The following CFAP77 variants were observed in gnomAD, a reference collection of about 807,000 sequenced individuals.
The protein encoded by CFAP77 is cilia and flagella associated protein 77, also known as cilia- and flagella-associated protein 77.
Under a neutral mutation model 31.1 loss-of-function variants are expected in CFAP77, and 25 were observed. That is an observed-to-expected ratio of 0.80 (90% CI 0.59 to 1.12). CFAP77 has a LOEUF of 1.12. CFAP77 is among the 50% of genes most tolerant of loss of function. CFAP77 has a pLI of 0.00. For missense variants in CFAP77, 377 were observed against 397.3 expected, an observed-to-expected ratio of 0.95 and a Z score of 0.44; for synonymous variants, 151 against 159.9, an observed-to-expected ratio of 0.94 and a Z score of 0.42.
chr9:132,502,276 T>TG (rs1564230467), intron 3 of CFAP77, among the ~76,000 whole-genome samples: 3 of 65,242 alleles, frequency 4.6e-5, no homozygotes, highest in African/African-American at 3.0e-4. Flanking sequence ...TTTTTTTTTT[T>TG]TGGGGGAGGG....
At chr9:132,449,139 C>T (rs1414048341) in intron 1 of CFAP77, among the ~76,000 whole-genome samples, 1 of 152,128 alleles carries the variant, frequency 6.6e-6, no homozygotes, top group African/African-American at 2.4e-5. Context: ...GATATTTATG[C>T]CATAAAGTTG....
At chr9:132,462,094 G>A (rs1289979989) in intron 1 of CFAP77, among the ~76,000 whole-genome samples, 1 of 152,136 alleles carries the variant, frequency 6.6e-6, no homozygotes, top group Non-Finnish European at 1.5e-5. Flanking sequence ...ATTAGTAACT[G>A]TAACACAGCT....
chr9:132,488,894 A>G (rs1174794105), intron 1 of CFAP77, among the ~76,000 whole-genome samples: 1 of 152,204 alleles, frequency 6.6e-6, no homozygotes, highest in East Asian at 1.9e-4. Context: ...GAGATGGGAA[A>G]TAAGGCAGAG....
intron 1 of CFAP77, among the ~76,000 whole-genome samples, chr9:132,467,994 T>C (rs551977518): frequency 1.3e-5 from 2 of 152,194 alleles, no homozygotes; most frequent in South Asian, 4.1e-4. Context: ...GATGTGGATC[T>C]GATGAGCTCA....
chr9:132,487,404 A>G (rs1226776828), intron 1 of CFAP77, among the ~76,000 whole-genome samples: 3 of 152,176 alleles, frequency 2.0e-5, no homozygotes, highest in Non-Finnish European at 4.4e-5. Context: ...CAGAGTTGCA[A>G]TGACACAGAA....
chr9:132,511,618 A>G lies in CFAP77; in HGVS notation c.524+12018A>G, dbSNP rs75827128. Among the ~76,000 whole-genome samples, 12,984 of 152,338 alleles carry G rather than the reference A, an allele frequency of 0.085. 770 individuals are homozygous for G. Among genetic ancestry groups the G allele is most frequent in the Admixed American group, 0.14 (2,108 of 15,306 alleles). Reference sequence around the variant, plus strand: ...TGGGAACAGGCACTATTCTAGTGCCAAGAGCACATGAGACGGCCAACTCTT... The same window carrying G: ...TGGGAACAGGCACTATTCTAGTGCCGAGAGCACATGAGACGGCCAACTCTT... On this transcript the variant is annotated intron_variant, in intron 3 of 5. Transcript: ENST00000393216. This position sits in a 1 kb window ranked among gnomAD's most constrained non-coding sequence, Gnocchi z 5.8.
intron 1 of CFAP77, among the ~76,000 whole-genome samples, chr9:132,461,528 G>C (rs1206558298): frequency 6.6e-6 from 1 of 152,204 alleles, no homozygotes; most frequent in Non-Finnish European, 1.5e-5. Context: ...CAGCAGAACA[G>C]CTTGATTCCT....
chr9:132,442,358 C>A (rs1340247961), intron 1 of CFAP77, among the ~76,000 whole-genome samples: 1 of 152,144 alleles, frequency 6.6e-6, no homozygotes, highest in Non-Finnish European at 1.5e-5. Context: ...TGAGACCAGC[C>A]TGAGTGACAT....
At chr9:132,442,499 G>T (rs1322773713) in intron 1 of CFAP77, among the ~76,000 whole-genome samples, 2 of 152,122 alleles carry the variant, frequency 1.3e-5, no homozygotes, top group Non-Finnish European at 2.9e-5. Flanking sequence ...GGTGCAGTGA[G>T]CTGAGATCGA....
Position 132,497,954 on chromosome 9 carries a change from T to C in CFAP77, c.196-741T>C, listed in dbSNP as rs1255140951. The stretch of plus-strand genomic sequence containing the variant: ...AGAGGACAGGCACGCCTCCATGCGA[T>C]GCCCTGCCCAGCGCTTGGGGGCCGG... On this transcript the variant is annotated intron_variant, in intron 1 of 5. Coordinates refer to ENST00000393216, the MANE Select transcript of CFAP77 (RefSeq NM_001282957.2). This position sits in a 1 kb window ranked among gnomAD's most constrained non-coding sequence, Gnocchi z 4.9. 1.3e-5 allele frequency among the ~76,000 whole-genome samples: 2 copies of C among 152,270 alleles called. No homozygotes were observed. Among genetic ancestry groups the C allele is most frequent in the East Asian group, 3.9e-4 (2 of 5,176 alleles).
rs1852166394 is a variant in CFAP77 at position 132,517,372 on chromosome 9, A to G, written c.524+17772A>G. ...CTGGAAGAAGCATCAAGAGCCAAAT[A>G]AGGACCCGTCTTGAGTGGAATCACG... On this transcript the variant is annotated intron_variant, in intron 3 of 5. Transcript: ENST00000393216. The surrounding 1 kb of genome is among the most constrained non-coding windows in gnomAD (Gnocchi z 4.7). Among the ~76,000 whole-genome samples the G allele has an allele frequency of 1.3e-5, 2 of 152,202 alleles. No homozygotes were observed. Among genetic ancestry groups the G allele is most frequent in the South Asian group, 4.1e-4 (2 of 4,826 alleles).
chr9:132,468,528 C>A (rs1230684869), intron 1 of CFAP77, among the ~76,000 whole-genome samples: 1 of 152,160 alleles, frequency 6.6e-6, no homozygotes, highest in Non-Finnish European at 1.5e-5. Flanking sequence ...TCCTTACTCT[C>A]CATTTAGTTC....
chr9:132,414,663 A>T (rs1435019474), intron 1 of CFAP77, among the ~76,000 whole-genome samples: 4 of 152,158 alleles, frequency 2.6e-5, no homozygotes, highest in African/African-American at 9.7e-5. Context: ...GGTCTCAGGG[A>T]CCTGGAACCA....
chr9:132,564,657 T>G lies in CFAP77; in HGVS notation c.733-7731T>G, dbSNP rs1432481864. Reference sequence around the variant, plus strand: ...CTAATATTGGAGAAAAAAAGAAAGATGAAAGGTAATTAGCTAAGCCAACGA... The same window carrying G: ...CTAATATTGGAGAAAAAAAGAAAGAGGAAAGGTAATTAGCTAAGCCAACGA... On this transcript the variant is annotated intron_variant, in intron 5 of 5. Coordinates refer to ENST00000393216, the MANE Select transcript of CFAP77 (RefSeq NM_001282957.2). This position sits in a 1 kb window ranked among gnomAD's most constrained non-coding sequence, Gnocchi z 4.6. Among the ~76,000 whole-genome samples, 1 of 151,924 alleles carries G rather than the reference T, an allele frequency of 6.6e-6. No homozygotes were observed. The highest frequency in any genetic ancestry group is 1.9e-4 in the East Asian group (1 of 5,186).
intron 1 of CFAP77, among the ~76,000 whole-genome samples, chr9:132,486,016 A>ATGTG: frequency 6.1e-5 from 1 of 16,346 alleles, no homozygotes; most frequent in African/African-American, 4.5e-4. Context: ...ATATATATAT[A>ATGTG]TATATATATA....
chr9:132,415,963 G>A (rs1402212902), intron 1 of CFAP77, among the ~76,000 whole-genome samples: 3 of 152,202 alleles, frequency 2.0e-5, no homozygotes, highest in Admixed American at 6.5e-5. Flanking sequence ...TAACAATGGA[G>A]ACCACCAACA....
rs557702288 is a variant in CFAP77, at chr9:132,553,891, C to T, written c.732+10844C>T. On this transcript the variant is annotated intron_variant, in intron 5 of 5. Transcript: ENST00000393216. ...CCACTTGAATCACTTAATACAAGAA[C>T]CTCCGTGAAAATTCCCTGCTGGAGG... Among the ~76,000 whole-genome samples the T allele has an allele frequency of 4.6e-5, 7 of 152,338 alleles. No homozygotes were observed. In the East Asian group the frequency reaches 7.7e-4, roughly 17 times the overall value.
At chr9:132,444,710 T>C (rs560710651) in intron 1 of CFAP77, among the ~76,000 whole-genome samples, 15 of 152,312 alleles carry the variant, frequency 9.8e-5, no homozygotes, top group African/African-American at 3.4e-4. Context: ...TGCAGGTTAT[T>C]GATCTTTTTT....
rs150509818 is a variant in CFAP77 at position 132,486,762 on chromosome 9, T to C, written c.196-11933T>C. Among the ~76,000 whole-genome samples, 99 of 152,300 alleles carry C rather than the reference T, an allele frequency of 6.5e-4. 2 individuals are homozygous for C. Among genetic ancestry groups the C allele is most frequent in the African/African-American group, 2.3e-3 (95 of 41,558 alleles). On this transcript the variant is annotated intron_variant, in intron 1 of 5. Transcript: ENST00000393216. ...GAGTGTAATCAAACATCAAGCTAAG[T>C]AGCAAATAAATCTCTCGATCTCATA...
Sources: gnomAD v4.1 joint callset for allele counts (sites outside exome capture counted in the v4.1 genomes callset) on GRCh38, gnomAD v4.1.1 for gene constraint, Gnocchi (gnomAD v3.1) non-coding constraint, MANE v1.5 for transcripts, NCBI Gene and HGNC (gene_info 2026-07-23, HGNC 2026-07-21) for gene names.